Variants in SPAG16 observed in about 807,000 individuals in gnomAD.
SPAG16 encodes sperm-associated antigen 16 protein.
In SPAG16, 86 loss-of-function variants were observed where a neutral mutation model predicts 80.4. The ratio of observed to expected loss-of-function variants is 1.07; its 90% CI spans 0.90 to 1.28. The LOEUF (loss-of-function observed/expected upper bound fraction) is 1.28. Ranked by LOEUF, SPAG16 falls within the 50% of genes most tolerant of loss-of-function variation. SPAG16 has a pLI of 0.00. For synonymous variants in SPAG16, 294 were observed against 265.9 expected (o/e 1.11, Z -1.03); for missense variants, 870 against 765.3 (o/e 1.14, Z -1.61).
chr2:214,124,263 AT>A (rs1183090156), intron 14 of SPAG16, among the ~76,000 whole-genome samples: 3 of 150,286 alleles, frequency 2.0e-5, no homozygotes, highest in South Asian at 4.2e-4. Flanking sequence ...AAAATATTTT[AT>A]TTTTTTATAA....
chr2:213,769,353 C>T (rs540096876), intron 10 of SPAG16, among the ~76,000 whole-genome samples: 16 of 152,074 alleles, frequency 1.1e-4, no homozygotes, highest in African/African-American at 3.1e-4. Context: ...AGTTCATTTG[C>T]GGTAGAATAT....
chr2:213,769,474 G>C (rs2069125332), intron 10 of SPAG16, among the ~76,000 whole-genome samples: 2 of 152,138 alleles, frequency 1.3e-5, no homozygotes, highest in Admixed American at 1.3e-4. Flanking sequence ...TATCAGATTA[G>C]GTGGTATACC....
chr2:213,572,811 G>A (rs2059965002), intron 10 of SPAG16, among the ~76,000 whole-genome samples: 1 of 152,078 alleles, frequency 6.6e-6, no homozygotes, highest in Non-Finnish European at 1.5e-5. Context: ...GCAAGCCTGG[G>A]CAATGGCGGG....
At chr2:213,319,977 T>C (rs868536789) in intron 5 of SPAG16, among the ~76,000 whole-genome samples, 2 of 151,962 alleles carry the variant, frequency 1.3e-5, no homozygotes, top group East Asian at 1.9e-4. Context: ...ACTTAAAATC[T>C]AAAAAATTAG....
intron 15 of SPAG16, among the ~76,000 whole-genome samples, chr2:214,254,053 CT>C (rs1690498951): frequency 6.6e-6 from 1 of 151,964 alleles, no homozygotes; most frequent in Non-Finnish European, 1.5e-5. Flanking sequence ...GTATTTTATT[CT>C]CTTTGTAGCA....
chr2:213,901,356 A>G (rs890537394), intron 11 of SPAG16, among the ~76,000 whole-genome samples: 1 of 152,166 alleles, frequency 6.6e-6, no homozygotes, highest in Non-Finnish European at 1.5e-5. Flanking sequence ...TATTTTTGCT[A>G]GTAAGGCCTG....
chr2:213,549,135 AT>A (rs1356640902), intron 10 of SPAG16, among the ~76,000 whole-genome samples: 3 of 152,036 alleles, frequency 2.0e-5, no homozygotes, highest in Non-Finnish European at 2.9e-5. Flanking sequence ...AATATGACCA[AT>A]TTTGTTTGTA....
At chr2:213,292,489 C>T (rs1011563879) in intron 1 of SPAG16, among the ~76,000 whole-genome samples, 5 of 150,890 alleles carry the variant, frequency 3.3e-5, no homozygotes, top group Non-Finnish European at 7.4e-5. Flanking sequence ...ACGGTGAAAC[C>T]CCGTCTCTAC....
intron 10 of SPAG16, among the ~76,000 whole-genome samples, chr2:213,531,879 C>A (rs1244654378): frequency 1.3e-5 from 2 of 152,128 alleles, no homozygotes; most frequent in Admixed American, 6.6e-5. Flanking sequence ...TGGAATCTTA[C>A]AATCAGTGAA....
At chr2:213,939,128 C>T (rs1311433214) in intron 12 of SPAG16, among the ~76,000 whole-genome samples, 2 of 152,088 alleles carry the variant, frequency 1.3e-5, no homozygotes, top group African/African-American at 4.8e-5. Flanking sequence ...AAAAATATCC[C>T]TTCCTGATTT....
intron 10 of SPAG16, among the ~76,000 whole-genome samples, chr2:213,715,851 A>G (rs2066218193): frequency 6.6e-6 from 1 of 152,186 alleles, no homozygotes; most frequent in Non-Finnish European, 1.5e-5. Context: ...TGAAAAAACT[A>G]GTATTTTGTC....
intron 11 of SPAG16, among the ~76,000 whole-genome samples, chr2:213,909,168 A>T (rs868567840): frequency 6.6e-6 from 1 of 152,316 alleles, no homozygotes; most frequent in South Asian, 2.1e-4. Flanking sequence ...TCCAACTTAC[A>T]AGGGAAGTGA....
chr2:213,860,390 G>A (rs1189725045), intron 10 of SPAG16, among the ~76,000 whole-genome samples: 1 of 64,094 alleles, frequency 1.6e-5, no homozygotes, highest in African/African-American at 4.3e-5. Flanking sequence ...TCTATAAATA[G>A]ACAGATATTT....
Position 214,077,792 on chromosome 2 carries a change from C to G in SPAG16, c.1528-30404C>G, listed in dbSNP as rs536208833. Among the ~76,000 whole-genome samples the G allele has an allele frequency of 7.0e-4, 107 of 152,308 alleles. No homozygotes were observed. The South Asian group carries it at 0.017, about 24-fold the overall frequency. On this transcript the variant is annotated intron_variant, in intron 13 of 15. Transcript: ENST00000331683. Reference sequence around the variant, plus strand: ...TGAACTGAATCCCATTCCTTCTTCCCTCCCAGGATTAGTCAGAGTCATAGT... The same window carrying G: ...TGAACTGAATCCCATTCCTTCTTCCGTCCCAGGATTAGTCAGAGTCATAGT...
intron 15 of SPAG16, among the ~76,000 whole-genome samples, chr2:214,185,674 C>T (rs910694112): frequency 1.3e-5 from 2 of 152,096 alleles, no homozygotes; most frequent in African/African-American, 4.8e-5. Context: ...GCAAGCAAAA[C>T]TTGCAGGCCA....
chr2:214,143,060 C>T (rs2055444299), intron 14 of SPAG16, among the ~76,000 whole-genome samples: 1 of 152,010 alleles, frequency 6.6e-6, no homozygotes, highest in Admixed American at 6.6e-5. Context: ...GTTTTTTAGC[C>T]TCACTCTGTC....
intron 11 of SPAG16, among the ~76,000 whole-genome samples, chr2:213,925,920 C>G (rs1255704357): frequency 6.6e-6 from 1 of 151,728 alleles, no homozygotes; most frequent in Non-Finnish European, 1.5e-5. Flanking sequence ...CTTATTATTG[C>G]CAATGCTGCT....
rs757400198 is a variant in SPAG16 at position 213,579,622 on chromosome 2, C to T, written c.1070+89532C>T. Among the ~76,000 whole-genome samples, 5 of 151,976 alleles carry T rather than the reference C, an allele frequency of 3.3e-5. No individual in the cohort carries two copies. The East Asian group carries it at 7.7e-4, about 23-fold the overall frequency. On this transcript the variant is annotated intron_variant, in intron 10 of 15. Transcript: ENST00000331683. ...ATATCTAAATAAAGAAGGAGTAATT[C>T]TCATTTGTGTTTCATTTATGATTTA...
At chr2:214,038,686 T>TC (rs1335025918) in intron 13 of SPAG16, among the ~76,000 whole-genome samples, 1 of 126,206 alleles carries the variant, frequency 7.9e-6, no homozygotes, top group African/African-American at 2.9e-5. Context: ...ATGCTATCCC[T>TC]CCCCCCTCCC....
Sources: gnomAD v4.1 joint callset for allele counts (sites outside exome capture counted in the v4.1 genomes callset) on GRCh38, gnomAD v4.1.1 for gene constraint, MANE v1.5 for transcripts, NCBI Gene and HGNC (gene_info 2026-07-23, HGNC 2026-07-21) for gene names.